The following AGMO variants were observed in gnomAD, a reference collection of about 807,000 sequenced individuals.
AGMO encodes the protein alkylglycerol monooxygenase.
AGMO carries 75 observed loss-of-function variants against 60.2 expected under a neutral mutation model. That is an observed-to-expected ratio of 1.25 (90% CI 1.03 to 1.51). The LOEUF is 1.51. Ranked by LOEUF, AGMO falls within the 40% of genes most tolerant of loss-of-function variation. The probability of loss-of-function intolerance (pLI) is 0.00; values close to 1 mark genes in which losing one functional copy is unlikely to be tolerated. For missense variants in AGMO, 763 were observed against 525.5 expected, an observed-to-expected ratio of 1.45 and a Z score of -4.42; for synonymous variants, 261 against 177.1, an observed-to-expected ratio of 1.47 and a Z score of -3.76.
At chr7:15,454,826 T>G (rs889156263) in intron 3 of AGMO, among the ~76,000 whole-genome samples, 1 of 152,096 alleles carries the variant, frequency 6.6e-6, no homozygotes, top group Non-Finnish European at 1.5e-5. Flanking sequence ...TTTTAAAAGT[T>G]AAATTTTACA....
chr7:15,318,759 AT>A lies in AGMO; in HGVS notation c.1263+46754del, dbSNP rs537043947. Among the ~76,000 whole-genome samples the A allele has an allele frequency of 2.0e-5, 3 of 152,080 alleles. No individual in the cohort carries two copies. The South Asian group carries it at 6.2e-4, about 32-fold the overall frequency. On this transcript the variant is annotated intron_variant, in intron 12 of 12. Coordinates refer to ENST00000342526, the MANE Select transcript of AGMO (RefSeq NM_001004320.2). ...TAGAATTATATTCTACATTGGCTCA[AT>A]TTTTTTCTTTGTTTTTATCAATCCT...
intron 12 of AGMO, among the ~76,000 whole-genome samples, chr7:15,285,482 A>G (rs897215261): frequency 1.1e-4 from 16 of 152,070 alleles, no homozygotes; most frequent in African/African-American, 2.9e-4. Flanking sequence ...CAATAGCTGA[A>G]AAAACTAAAA....
chr7:15,464,637 C>G (rs1445500109), intron 3 of AGMO, among the ~76,000 whole-genome samples: 1 of 152,046 alleles, frequency 6.6e-6, no homozygotes, highest in Non-Finnish European at 1.5e-5. Flanking sequence ...TGAAATGGGC[C>G]TAGAAAAATC....
At chr7:15,309,358 T>G (rs1156916569) in intron 12 of AGMO, among the ~76,000 whole-genome samples, 2 of 152,126 alleles carry the variant, frequency 1.3e-5, no homozygotes, top group Non-Finnish European at 2.9e-5. Context: ...GGGAAATACT[T>G]TATACATTCT....
chr7:15,554,049 C>T (rs1009400236), intron 2 of AGMO, among the ~76,000 whole-genome samples: 2 of 152,016 alleles, frequency 1.3e-5, no homozygotes, highest in African/African-American at 4.8e-5. Flanking sequence ...ATGGAGTGCC[C>T]ACAACTAAAA....
intron 10 of AGMO, among the ~76,000 whole-genome samples, chr7:15,373,668 T>C (rs533930618): frequency 1.6e-4 from 25 of 152,280 alleles, no homozygotes; most frequent in African/African-American, 5.1e-4. Context: ...AGTCACTACA[T>C]CCTAAAATAA....
chr7:15,362,905 C>G (rs960899946), intron 12 of AGMO, among the ~76,000 whole-genome samples: 2 of 152,134 alleles, frequency 1.3e-5, no homozygotes, highest in African/African-American at 4.8e-5. Flanking sequence ...GAAAATGTAC[C>G]TTGATCATTA....
At chr7:15,297,615 A>G (rs570382369) in intron 12 of AGMO, among the ~76,000 whole-genome samples, 35 of 152,318 alleles carry the variant, frequency 2.3e-4, no homozygotes, top group African/African-American at 8.2e-4. Context: ...AAATAAAAAT[A>G]TCTAACTAGC....
the AGMO span, among the ~76,000 whole-genome samples, chr7:15,183,881 TTAA>T: frequency 6.6e-6 from 1 of 152,212 alleles, no homozygotes; most frequent in Non-Finnish European, 1.5e-5. Context: ...CATAAGAATT[TTAA>T]TAATTGTGGT....
At chr7:15,244,072 T>A (rs1444337876) in intron 12 of AGMO, among the ~76,000 whole-genome samples, 1 of 152,124 alleles carries the variant, frequency 6.6e-6, no homozygotes. Flanking sequence ...TTTGTTCAGA[T>A]CTCCTAGCAA....
chr7:15,394,561 GTTAC>G (rs1784293720), intron 5 of AGMO, among the ~76,000 whole-genome samples: 2 of 152,154 alleles, frequency 1.3e-5, no homozygotes, highest in African/African-American at 4.8e-5. Context: ...GATTATGAAT[GTTAC>G]TGTATTACAC....
intron 3 of AGMO, among the ~76,000 whole-genome samples, chr7:15,459,759 A>G (rs1782096535): frequency 6.6e-6 from 1 of 152,090 alleles, no homozygotes; most frequent in African/African-American, 2.4e-5. Context: ...AGTTTAAACT[A>G]AATGATAAAA....
intron 3 of AGMO, among the ~76,000 whole-genome samples, chr7:15,525,560 CA>C (rs940911880): frequency 3.3e-5 from 5 of 151,992 alleles, no homozygotes; most frequent in Non-Finnish European, 5.9e-5. Flanking sequence ...TTTCATTGTT[CA>C]AAAAAATTCT....
At position 15,241,076 on chromosome 7, in the gene AGMO, A is replaced by G. The variant is rs112313317; in HGVS notation, c.1264-39717T>C. On this transcript the variant is annotated intron_variant, in intron 12 of 12. Coordinates refer to ENST00000342526, the MANE Select transcript of AGMO (RefSeq NM_001004320.2). ...AAAGAAGAAATCATCAATATCAGGG[A>G]AAGTCAGTCAGTTCCTATCAGGAAA... Among the ~76,000 whole-genome samples the G allele has an allele frequency of 3.4e-3, 525 of 152,296 alleles. 1 individual carries two copies. Among genetic ancestry groups the G allele is most frequent in the African/African-American group, 0.01 (432 of 41,572 alleles).
At chr7:15,233,726 A>G (rs1461042428) in intron 12 of AGMO, among the ~76,000 whole-genome samples, 1 of 152,134 alleles carries the variant, frequency 6.6e-6, no homozygotes, top group African/African-American at 2.4e-5. Flanking sequence ...ATCACAAATG[A>G]TTCTGGTGAA....
chr7:15,138,331 G>C, the AGMO span, among the ~76,000 whole-genome samples: 1 of 152,094 alleles, frequency 6.6e-6, no homozygotes, highest in Non-Finnish European at 1.5e-5. Context: ...TACGTCTCAC[G>C]ACTTTACTCT....
intron 9 of AGMO, among the ~76,000 whole-genome samples, chr7:15,385,828 G>A (rs1041393325): frequency 1.3e-5 from 2 of 152,150 alleles, no homozygotes; most frequent in Non-Finnish European, 2.9e-5. Context: ...TGCATGGGAT[G>A]TATCTTCCCT....
chr7:15,271,422 G>A (rs1441101660), intron 12 of AGMO, among the ~76,000 whole-genome samples: 1 of 151,998 alleles, frequency 6.6e-6, no homozygotes, highest in Non-Finnish European at 1.5e-5. Flanking sequence ...TTATTTTTGA[G>A]AGGGCAATTG....
At chr7:15,427,219 A>G (rs1228113919) in intron 4 of AGMO, among the ~76,000 whole-genome samples, 1 of 152,206 alleles carries the variant, frequency 6.6e-6, no homozygotes, top group African/African-American at 2.4e-5. Flanking sequence ...TAGTAGATAC[A>G]TAATGTATAG....
Sources: gnomAD v4.1 joint callset for allele counts (sites outside exome capture counted in the v4.1 genomes callset) on GRCh38, gnomAD v4.1.1 for gene constraint, MANE v1.5 for transcripts, NCBI Gene and HGNC (gene_info 2026-07-23, HGNC 2026-07-21) for gene names.